The following FHIT variants were observed in gnomAD, a reference collection of about 807,000 sequenced individuals.
FHIT encodes the protein bis(5'-adenosyl)-triphosphatase.
A neutral mutation model predicts 17.9 loss-of-function variants in FHIT; 19 were observed. The observed-to-expected ratio is 1.06, with a 90% CI of 0.74 to 1.56. FHIT has a LOEUF of 1.56. Ranked by LOEUF, FHIT falls within the 40% of genes most tolerant of loss-of-function variation. The pLI, the probability that FHIT is intolerant of heterozygous loss-of-function variation, is 0.00. For missense variants in FHIT, 248 were observed against 189.2 expected (o/e 1.31, Z -1.82); for synonymous variants, 81 against 69.7 (o/e 1.16, Z -0.81).
intron 5 of FHIT, among the ~76,000 whole-genome samples, chr3:60,325,165 A>C (rs1026458754): frequency 6.6e-6 from 1 of 152,170 alleles, no homozygotes; most frequent in Non-Finnish European, 1.5e-5. Flanking sequence ...AAGAAGAAAA[A>C]CATACCCTGG....
intron 1 of FHIT, among the ~76,000 whole-genome samples, chr3:61,235,655 T>C (rs1285825064): frequency 1.3e-5 from 2 of 151,954 alleles, no homozygotes; most frequent in African/African-American, 4.8e-5. Flanking sequence ...TGAGCCAAGA[T>C]TGCGCCACTG....
At chr3:60,523,665 C>G (rs987451324) in intron 5 of FHIT, among the ~76,000 whole-genome samples, 1 of 152,162 alleles carries the variant, frequency 6.6e-6, no homozygotes, top group African/African-American at 2.4e-5. Context: ...CTTGGGAAAT[C>G]AAATCTCATG....
intron 8 of FHIT, among the ~76,000 whole-genome samples, chr3:59,825,059 T>C (rs573332684): frequency 8.5e-5 from 13 of 152,340 alleles, no homozygotes; most frequent in African/African-American, 3.1e-4. Context: ...TTTTGTGTGG[T>C]TGGGTTTGTT....
In FHIT at chr3:59,830,031, A is replaced by C. The variant is rs138096376; in HGVS notation, c.349-77710T>G. 4.7e-4 allele frequency among the ~76,000 whole-genome samples: 71 copies of C among 152,206 alleles called. No homozygotes were observed. In the East Asian group the frequency reaches 0.012, roughly 27 times the overall value. On this transcript the variant is annotated intron_variant, in intron 8 of 9. Coordinates refer to ENST00000492590, the MANE Select transcript of FHIT (RefSeq NM_002012.4). ...GTTGAGGCTGTAGTGAGCCATGATC[A>C]CACCACTGCACTCCAGCCTGGGTGA...
intron 4 of FHIT, among the ~76,000 whole-genome samples, chr3:60,551,667 C>G (rs963601295): frequency 2.8e-5 from 4 of 143,848 alleles, no homozygotes; most frequent in South Asian, 4.7e-4. Flanking sequence ...GACCATGGCA[C>G]GAAATGCCTG....
At chr3:61,234,723 C>T (rs764935272) in intron 1 of FHIT, among the ~76,000 whole-genome samples, 1 of 152,132 alleles carries the variant, frequency 6.6e-6, no homozygotes, top group Non-Finnish European at 1.5e-5. Context: ...TTCTAAATAG[C>T]ACCTTCTTAC....
intron 8 of FHIT, among the ~76,000 whole-genome samples, chr3:59,835,705 T>C (rs1033427140): frequency 1.3e-5 from 2 of 152,168 alleles, no homozygotes; most frequent in African/African-American, 2.4e-5. Flanking sequence ...CCCCTCTGTA[T>C]TACAATATGC....
intron 8 of FHIT, among the ~76,000 whole-genome samples, chr3:59,777,508 T>G (rs1258577410): frequency 6.6e-6 from 1 of 152,102 alleles, no homozygotes; most frequent in Non-Finnish European, 1.5e-5. Flanking sequence ...TTGCACCCAA[T>G]CCATGAACAA....
At chr3:60,127,123 G>A (rs1293089789) in intron 5 of FHIT, among the ~76,000 whole-genome samples, 1 of 152,028 alleles carries the variant, frequency 6.6e-6, no homozygotes, top group Admixed American at 6.6e-5. Flanking sequence ...TTACACAAGC[G>A]ATCCCATCTA....
chr3:60,233,543 C>T lies in FHIT; in HGVS notation c.104-219391G>A, dbSNP rs141129226. On this transcript the variant is annotated intron_variant, in intron 5 of 9. Transcript: ENST00000492590. ...CTCCCCGCTCTCCTCCTGCCCACCC[C>T]TCTGCACCCTTACCACTCTACCTAT... Among the ~76,000 whole-genome samples, 26 of 152,306 alleles carry T rather than the reference C, an allele frequency of 1.7e-4. 1 individual carries two copies. Among genetic ancestry groups the T allele is most frequent in the African/African-American group, 6.0e-4 (25 of 41,586 alleles).
At chr3:60,055,120 A>G (rs570601021) in intron 5 of FHIT, among the ~76,000 whole-genome samples, 181 of 152,238 alleles carry the variant, frequency 1.2e-3, no homozygotes, top group Non-Finnish European at 1.9e-3. Flanking sequence ...TCTTTTTGCT[A>G]CACCTCATAT....
chr3:60,124,278 C>G (rs531282160), intron 5 of FHIT, among the ~76,000 whole-genome samples: 15 of 151,850 alleles, frequency 9.9e-5, no homozygotes, highest in African/African-American at 3.6e-4. Flanking sequence ...AGTTTGAAGA[C>G]TAGCCGTCTT....
At chr3:60,774,142 T>G (rs1402638418) in intron 4 of FHIT, among the ~76,000 whole-genome samples, 3 of 152,200 alleles carry the variant, frequency 2.0e-5, no homozygotes, top group Non-Finnish European at 4.4e-5. Flanking sequence ...CATTTGATAC[T>G]TAACAGACTT....
intron 5 of FHIT, among the ~76,000 whole-genome samples, chr3:60,177,166 C>A (rs1408384303): frequency 6.7e-6 from 1 of 149,068 alleles, no homozygotes; most frequent in Non-Finnish European, 1.5e-5. Flanking sequence ...TTCCCAGGAA[C>A]AACAAATGCT....
chr3:61,203,161 C>T (rs1202206449), intron 1 of FHIT, among the ~76,000 whole-genome samples: 1 of 125,794 alleles, frequency 7.9e-6, no homozygotes, highest in Non-Finnish European at 1.6e-5. Context: ...GCCTGGGCAA[C>T]AGAGCGAGAC....
chr3:60,616,030 CTA>C lies in FHIT; in HGVS notation c.-17-79053_-17-79052del, dbSNP rs568680790. Among the ~76,000 whole-genome samples the C allele has an allele frequency of 7.9e-5, 12 of 152,300 alleles. No homozygotes were observed. In the East Asian group the frequency reaches 1.9e-3, roughly 24 times the overall value. On this transcript the variant is annotated intron_variant, in intron 4 of 9. Coordinates refer to ENST00000492590, the MANE Select transcript of FHIT (RefSeq NM_002012.4). ...TTTCCTTATCGAAACTCTGATCTGTCTATGAGTTATTAACACCCTTGTCAGTA... is the reference window on the plus strand; with the variant it reads ...TTTCCTTATCGAAACTCTGATCTGTCTGAGTTATTAACACCCTTGTCAGTA...
chr3:60,430,852 G>A (rs1471930192), intron 5 of FHIT, among the ~76,000 whole-genome samples: 1 of 152,052 alleles, frequency 6.6e-6, no homozygotes, highest in Non-Finnish European at 1.5e-5. Context: ...ATAGTTGCAA[G>A]GGTGGTGAGA....
intron 5 of FHIT, among the ~76,000 whole-genome samples, chr3:60,177,564 T>A (rs1701736745): frequency 1.3e-5 from 2 of 152,176 alleles, no homozygotes; most frequent in South Asian, 4.1e-4. Context: ...AACAGACAAA[T>A]TCCATTTTGT....
At chr3:60,764,113 A>C (rs960483960) in intron 4 of FHIT, among the ~76,000 whole-genome samples, 12 of 152,126 alleles carry the variant, frequency 7.9e-5, no homozygotes, top group Non-Finnish European at 1.8e-4. Context: ...CTAACGCCTG[A>C]CATCCAGCGT....
Sources: gnomAD v4.1 joint callset for allele counts (sites outside exome capture counted in the v4.1 genomes callset) on GRCh38, gnomAD v4.1.1 for gene constraint, MANE v1.5 for transcripts, NCBI Gene and HGNC (gene_info 2026-07-23, HGNC 2026-07-21) for gene names.